UNC13C: variants seen among roughly 807,000 people sequenced by gnomAD.
UNC13C encodes the protein unc-13 homolog C.
Under a neutral mutation model 245.4 loss-of-function variants are expected in UNC13C, and 174 were observed. The ratio of observed to expected loss-of-function variants is 0.71; its 90% CI spans 0.63 to 0.80. UNC13C has a LOEUF of 0.80. UNC13C is among the 30% of genes least tolerant of loss of function. The pLI is 0.00. For missense variants in UNC13C, 2,829 were observed against 2,602.9 expected (o/e 1.09, Z -1.89); for synonymous variants, 992 against 895.1 (o/e 1.11, Z -1.93).
chr15:54,630,820 T>C (rs1901442918), downstream of UNC13C: 1 of 123,048 alleles, frequency 8.1e-6, no homozygotes, highest in Non-Finnish European at 1.6e-5. Context: ...AATTTGCGAA[T>C]GTTAAATAAT....
At chr15:53,956,852 C>T in the UNC13C span, among the ~76,000 whole-genome samples, 6 of 131,920 alleles carry the variant, frequency 4.5e-5, no homozygotes, top group East Asian at 4.8e-4. Flanking sequence ...GGGTTGTCCA[C>T]GGGACTGGTA....
At chr15:54,072,433 T>C (rs1005802271) in intron 2 of UNC13C, among the ~76,000 whole-genome samples, 2 of 152,176 alleles carry the variant, frequency 1.3e-5, no homozygotes, top group Admixed American at 6.5e-5. Context: ...GCTGAGGCTG[T>C]CCTTTGCACT....
chr15:54,044,357 T>C, intron 2 of UNC13C: 1 of 250,870 alleles, frequency 4.0e-6, no homozygotes, highest in Non-Finnish European at 8.4e-6. Flanking sequence ...CTATTTCCAC[T>C]TTTTGGCTAT....
rs927190400 is a variant in UNC13C at position 54,479,130 on chromosome 15, T to C, written c.4934-15478T>C. On this transcript the variant is annotated intron_variant, in intron 19 of 32. Coordinates refer to ENST00000260323, the MANE Select transcript of UNC13C (RefSeq NM_001080534.3). ...TATAAATCCTTGAATATATATGCTG[T>C]CCAGTGCTTCAAGTGCTCTGCAGTG... Among the ~76,000 whole-genome samples, 7 of 152,226 alleles carry C rather than the reference T, an allele frequency of 4.6e-5. No homozygotes were observed. The East Asian group carries it at 1.4e-3, about 29-fold the overall frequency.
intron 2 of UNC13C, among the ~76,000 whole-genome samples, chr15:54,058,148 C>G (rs6493662): frequency 0.69 from 104,152 of 151,886 alleles, 36,070 homozygotes; most frequent in African/African-American, 0.77. Flanking sequence ...ACAAAAAACC[C>G]TTCAAAAAAT....
chr15:54,505,379 T>C (rs1894426821), intron 22 of UNC13C, among the ~76,000 whole-genome samples: 1 of 152,202 alleles, frequency 6.6e-6, no homozygotes, highest in Non-Finnish European at 1.5e-5. Flanking sequence ...GGAATTACCT[T>C]AGACTTGTTA....
chr15:54,159,039 A>G (rs186761993), intron 4 of UNC13C, among the ~76,000 whole-genome samples: 9 of 152,174 alleles, frequency 5.9e-5, no homozygotes, highest in Admixed American at 3.9e-4. Context: ...TTATTTTGCT[A>G]TCTTTGGCAG....
chr15:53,861,494 T>G, the UNC13C span, among the ~76,000 whole-genome samples: 3 of 152,174 alleles, frequency 2.0e-5, no homozygotes, highest in Admixed American at 1.3e-4. Flanking sequence ...TATATCATCT[T>G]TATCACACTT....
intron 19 of UNC13C, among the ~76,000 whole-genome samples, chr15:54,454,217 A>G (rs1056005587): frequency 6.6e-6 from 1 of 152,022 alleles, no homozygotes; most frequent in African/African-American, 2.4e-5. Context: ...ATGTTGTACT[A>G]TTATCACCAT....
intron 4 of UNC13C, 112 bp from the exon 5 acceptor site, chr15:54,234,918 C>G (rs1265063134): frequency 1.1e-6 from 1 of 886,472 alleles, no homozygotes; most frequent in Non-Finnish European, 1.7e-6. Flanking sequence ...CGTTTGAAAA[C>G]TATGGTATCC....
At chr15:54,226,190 G>T (rs748649933) in intron 4 of UNC13C, among the ~76,000 whole-genome samples, 6 of 152,184 alleles carry the variant, frequency 3.9e-5, no homozygotes, top group Non-Finnish European at 5.9e-5. Flanking sequence ...TTTGTGTGCT[G>T]CTGGATTCAG....
chr15:53,937,985 A>G, the UNC13C span, among the ~76,000 whole-genome samples: 2 of 152,218 alleles, frequency 1.3e-5, no homozygotes, highest in Admixed American at 1.3e-4. Context: ...CAAGTCTGCA[A>G]AATAACCAGC....
intron 19 of UNC13C, among the ~76,000 whole-genome samples, chr15:54,488,005 CTTGCCT>C (rs1893511938): frequency 6.6e-6 from 1 of 151,722 alleles, no homozygotes; most frequent in Non-Finnish European, 1.5e-5. Flanking sequence ...TTGATGATTT[CTTGCCT>C]CCAAAGATAT....
At chr15:54,102,164 T>C (rs1445869848) in intron 2 of UNC13C, among the ~76,000 whole-genome samples, 1 of 151,542 alleles carries the variant, frequency 6.6e-6, no homozygotes, top group Non-Finnish European at 1.5e-5. Context: ...CCATAAGTCA[T>C]ACAAATAAAC....
Position 54,626,982 on chromosome 15 carries a change from C to A in UNC13C, c.6514C>A (p.Leu2172Met), listed in dbSNP as rs150316513. 29 of 1,613,400 alleles carry A rather than the reference C, an allele frequency of 1.8e-5. No homozygotes were observed. In the East Asian group the frequency reaches 6.5e-4, roughly 36 times the overall value. ...KGSYGAWYPLLKNISMDETGL... is the reference protein window; with the variant it reads ...KGSYGAWYPLMKNISMDETGL... ...AAGCTATGGGGCATGGTATCCTCTT[C>A]TGAAAAATATCTCTATGGATGAAAC... The change falls in exon 33 of 33, where the codon CTG becomes ATG. Residue 2172 changes from leucine (L) to methionine (M), a missense_variant. By Grantham distance (15) the Leu-to-Met change is conservative. Coordinates refer to ENST00000260323, the MANE Select transcript of UNC13C (RefSeq NM_001080534.3).
intron 2 of UNC13C, among the ~76,000 whole-genome samples, chr15:54,106,141 T>G (rs1220089199): frequency 2.0e-5 from 3 of 152,214 alleles, no homozygotes; most frequent in Non-Finnish European, 4.4e-5. Flanking sequence ...AAGCAGATTT[T>G]AGTAATAAAG....
intron 17 of UNC13C, among the ~76,000 whole-genome samples, chr15:54,381,341 G>T (rs1215837855): frequency 6.6e-6 from 1 of 152,040 alleles, no homozygotes; most frequent in Non-Finnish European, 1.5e-5. Context: ...ATACTGTTTT[G>T]GTTACTATGG....
the UNC13C span, among the ~76,000 whole-genome samples, chr15:53,964,422 G>A: frequency 6.6e-6 from 1 of 152,120 alleles, no homozygotes; most frequent in African/African-American, 2.4e-5. Context: ...TACTTGCACA[G>A]AGCTATCCCT....
At chr15:53,995,205 G>T (rs1894565658) in intron 1 of UNC13C, among the ~76,000 whole-genome samples, 1 of 152,058 alleles carries the variant, frequency 6.6e-6, no homozygotes, top group Non-Finnish European at 1.5e-5. Flanking sequence ...GAAGATAGAT[G>T]CAGACATATT....
Sources: gnomAD v4.1 joint callset for allele counts (sites outside exome capture counted in the v4.1 genomes callset) on GRCh38, gnomAD v4.1.1 for gene constraint, MANE v1.5 for transcripts, NCBI Gene and HGNC (gene_info 2026-07-23, HGNC 2026-07-21) for gene names.